Variants in HUNK observed in about 807,000 individuals in gnomAD.
The protein encoded by HUNK is hormonally up-regulated Neu-associated kinase.
Under a neutral mutation model 61.0 loss-of-function variants are expected in HUNK, and 21 were observed. The observed-to-expected ratio is 0.34, with a 90% CI of 0.24 to 0.50. HUNK has a LOEUF of 0.50. Among genes scored for constraint, HUNK ranks in the 20% least tolerant of loss-of-function variants. The pLI is 0.98. For synonymous variants in HUNK, 371 were observed against 386.1 expected (o/e 0.96, Z 0.46); for missense variants, 772 against 945.7 (o/e 0.82, Z 2.41).
chr21:31,896,275 G>A (rs143387331), intron 1 of HUNK, among the ~76,000 whole-genome samples: 1 of 152,208 alleles, frequency 6.6e-6, no homozygotes, highest in Non-Finnish European at 1.5e-5. Context: ...TTTGCTGAGT[G>A]TCCCAGAAGC....
At chr21:31,953,365 G>T (rs1055993106) in intron 4 of HUNK, among the ~76,000 whole-genome samples, 1 of 151,822 alleles carries the variant, frequency 6.6e-6, no homozygotes, top group Non-Finnish European at 1.5e-5. Flanking sequence ...CTCCAAAGTA[G>T]CTGGGAATAT....
rs576407855 is a variant in HUNK, at chr21:31,992,461, T to G, written c.1305+2285T>G. Among the ~76,000 whole-genome samples, 3 of 152,364 alleles carry G rather than the reference T, an allele frequency of 2.0e-5. No individual in the cohort carries two copies. In the East Asian group the frequency reaches 5.8e-4, roughly 29 times the overall value. Reference sequence around the variant, plus strand: ...AGAGAACAAGAAGGTGTTTAGTGTATGGCTTGCCTCTGGGGCCTCATGTGG... The same window carrying G: ...AGAGAACAAGAAGGTGTTTAGTGTAGGGCTTGCCTCTGGGGCCTCATGTGG... On this transcript the variant is annotated intron_variant, in intron 9 of 10. Coordinates refer to ENST00000270112, the MANE Select transcript of HUNK (RefSeq NM_014586.2).
Position 31,924,934 on chromosome 21 carries a change from T to C in HUNK, c.554+174T>C, listed in dbSNP as rs2052649964. ...TTTTTGAGACGGAGTTTTGTTCTTG[T>C]TGCCCAGGCTGGAGTGCAATGGCGC... On this transcript the variant is annotated intron_variant, in intron 2 of 10. Coordinates refer to ENST00000270112, the MANE Select transcript of HUNK (RefSeq NM_014586.2). This position sits in a 1 kb window ranked among gnomAD's most constrained non-coding sequence, Gnocchi z 5.1. Among the ~76,000 whole-genome samples, 1 of 152,208 alleles carries C rather than the reference T, an allele frequency of 6.6e-6. No homozygotes were observed. Among genetic ancestry groups the C allele is most frequent in the South Asian group, 2.1e-4 (1 of 4,824 alleles).
chr21:31,902,511 C>CA (rs946582434), intron 1 of HUNK, among the ~76,000 whole-genome samples: 35 of 145,632 alleles, frequency 2.4e-4, no homozygotes, highest in South Asian at 8.8e-4. Context: ...ACTCTATCTC[C>CA]AAAAAAAAAA....
intron 4 of HUNK, among the ~76,000 whole-genome samples, chr21:31,946,787 G>A (rs561369325): frequency 1.3e-5 from 2 of 152,236 alleles, no homozygotes; most frequent in African/African-American, 4.8e-5. Flanking sequence ...GCTAATTTTT[G>A]TATTTTTAGT....
chr21:31,986,214 G>A (rs1196938693), intron 8 of HUNK, among the ~76,000 whole-genome samples: 4 of 142,850 alleles, frequency 2.8e-5, no homozygotes, highest in Admixed American at 1.4e-4. Flanking sequence ...GCCGCCCTCC[G>A]CCCTCCACCA....
intron 1 of HUNK, among the ~76,000 whole-genome samples, chr21:31,886,887 T>G (rs983687311): frequency 6.6e-6 from 1 of 152,196 alleles, no homozygotes; most frequent in African/African-American, 2.4e-5. Context: ...GTGATCCACC[T>G]GCCTTGGCCT....
intron 5 of HUNK, among the ~76,000 whole-genome samples, chr21:31,959,785 T>C (rs919218528): frequency 5.9e-5 from 9 of 152,248 alleles, no homozygotes; most frequent in Non-Finnish European, 1.2e-4. Flanking sequence ...ACTACTGTTA[T>C]GCATTTTTCT....
intron 1 of HUNK, among the ~76,000 whole-genome samples, chr21:31,922,898 A>G (rs1420803712): frequency 6.6e-6 from 1 of 152,230 alleles, no homozygotes; most frequent in Non-Finnish European, 1.5e-5. Context: ...AGAAATAACA[A>G]GAAATGGAAG....
At chr21:31,990,517 CTTTA>C (rs3056170) in intron 9 of HUNK, among the ~76,000 whole-genome samples, 39,721 of 142,694 alleles carry the variant, frequency 0.28, 5,725 homozygotes, top group Middle Eastern at 0.4. Context: ...ATGTTAATCA[CTTTA>C]TTTATTTATT....
chr21:31,979,796 T>G (rs1266835671), intron 7 of HUNK, among the ~76,000 whole-genome samples: 6 of 152,124 alleles, frequency 3.9e-5, no homozygotes, highest in African/African-American at 1.4e-4. Context: ...ATTACAGGCA[T>G]AAGCCACCAC....
At chr21:31,908,013 G>C (rs965070267) in intron 1 of HUNK, among the ~76,000 whole-genome samples, 1 of 151,844 alleles carries the variant, frequency 6.6e-6, no homozygotes, top group African/African-American at 2.4e-5. Flanking sequence ...AAATGGTGAG[G>C]ACAGTAACTT....
At chr21:31,951,483 G>A (rs9984603) in intron 4 of HUNK, among the ~76,000 whole-genome samples, 12 of 152,094 alleles carry the variant, frequency 7.9e-5, no homozygotes, top group Non-Finnish European at 1.5e-4. Context: ...GTTCTATACC[G>A]AGAAGATTGA....
chr21:31,913,836 G>T (rs920602927), intron 1 of HUNK, among the ~76,000 whole-genome samples: 2 of 151,908 alleles, frequency 1.3e-5, no homozygotes, highest in Admixed American at 6.6e-5. Flanking sequence ...GGTGTGAGAG[G>T]TCAGCAGGGA....
Position 31,875,869 on chromosome 21 carries a change from C to A in HUNK, c.261+1934C>A, listed in dbSNP as rs575919989. Among the ~76,000 whole-genome samples, 32 of 152,346 alleles carry A rather than the reference C, an allele frequency of 2.1e-4. No individual in the cohort carries two copies. The East Asian group carries it at 5.0e-3, about 24-fold the overall frequency. ...GACTTCTTTTCTGGCTTCCCTCCAC[C>A]TTGCTGTGTTGTGCTGTGCCTCTGG... On this transcript the variant is annotated intron_variant, in intron 1 of 10. Coordinates refer to ENST00000270112, the MANE Select transcript of HUNK (RefSeq NM_014586.2).
rs963158173 is a variant in HUNK at position 32,001,504 on chromosome 21, C to T, written c.*2320C>T. ...CGCCTTGCCGTTAGCTTGTGGAGAA[C>T]GTGCTTCTTATTCCTGGCAGGCTTC... On this transcript the variant is annotated 3_prime_UTR_variant, in exon 11 of 11. Transcript: ENST00000270112. 34 of 152,496 alleles carry T rather than the reference C, an allele frequency of 2.2e-4. No homozygotes were observed. Among genetic ancestry groups the T allele is most frequent in the African/African-American group, 7.7e-4 (32 of 41,412 alleles). 9.4% of individuals were successfully genotyped at this position (152,496 alleles called of 1,614,324 possible). A position where few individuals can be genotyped will look rare whatever the true frequency, so the allele number is the denominator to read the frequency against.
intron 4 of HUNK, among the ~76,000 whole-genome samples, chr21:31,952,974 A>G (rs975500146): frequency 6.6e-6 from 1 of 152,108 alleles, no homozygotes; most frequent in East Asian, 1.9e-4. Context: ...CCCCTGGGCC[A>G]TATTTCAAAA....
intron 1 of HUNK, among the ~76,000 whole-genome samples, chr21:31,899,158 TCTTCC>T (rs2052446129): frequency 6.6e-6 from 1 of 152,142 alleles, no homozygotes; most frequent in Non-Finnish European, 1.5e-5. Context: ...TTTACTTAGA[TCTTCC>T]CTTTTAACGT....
intron 2 of HUNK, among the ~76,000 whole-genome samples, chr21:31,926,484 A>C (rs1395372907): frequency 5.3e-5 from 8 of 152,114 alleles, no homozygotes; most frequent in Non-Finnish European, 1.5e-5. Context: ...CCCTGTACCC[A>C]TTACCAGTCA....
Sources: allele counts gnomAD v4.1 joint callset (sites outside exome capture counted in the v4.1 genomes callset), GRCh38; gene constraint gnomAD v4.1.1; non-coding constraint Gnocchi (gnomAD v3.1); transcripts MANE v1.5; gene names NCBI Gene and HGNC (gene_info 2026-07-23, HGNC 2026-07-21).